Variants in C12orf54 observed in about 807,000 individuals in gnomAD.
C12orf54 encodes chromosome 12 open reading frame 54, also known as uncharacterized protein C12orf54.
Under a neutral mutation model 26.4 loss-of-function variants are expected in C12orf54, and 24 were observed. The observed-to-expected ratio is 0.91, with a 90% CI of 0.66 to 1.28. The LOEUF (loss-of-function observed/expected upper bound fraction) is 1.28. Among genes scored for constraint, C12orf54 ranks in the 50% most tolerant of loss-of-function variants. The pLI is 0.00. For synonymous variants in C12orf54, 54 were observed against 47.0 expected (o/e 1.15, Z -0.61); for missense variants, 154 against 150.9 (o/e 1.02, Z -0.11).
At chr12:48,429,497 A>C in the C12orf54 span, among the ~76,000 whole-genome samples, 1 of 152,108 alleles carries the variant, frequency 6.6e-6, no homozygotes, top group Non-Finnish European at 1.5e-5. Flanking sequence ...AATGCACACA[A>C]ATCAGTAGCT....
At chr12:48,449,542 A>G in the C12orf54 span, among the ~76,000 whole-genome samples, 1 of 152,146 alleles carries the variant, frequency 6.6e-6, no homozygotes, top group Non-Finnish European at 1.5e-5. Context: ...ACAAATCAGA[A>G]TTTAGTCCTC....
intron 2 of C12orf54, among the ~76,000 whole-genome samples, chr12:48,485,928 T>C (rs1156839000): frequency 1.3e-5 from 2 of 152,180 alleles, no homozygotes; most frequent in African/African-American, 2.4e-5. Flanking sequence ...TCACCTTCAC[T>C]TCCATTGTTC....
the C12orf54 span, among the ~76,000 whole-genome samples, chr12:48,439,999 T>G: frequency 6.6e-6 from 1 of 152,084 alleles, no homozygotes; most frequent in Non-Finnish European, 1.5e-5. Flanking sequence ...CTGATGTGCG[T>G]GGATGGCCTG....
chr12:48,473,892 C>A, the C12orf54 span, among the ~76,000 whole-genome samples: 297 of 152,314 alleles, frequency 1.9e-3, 3 homozygotes, highest in African/African-American at 6.8e-3. Flanking sequence ...ATCCAACACC[C>A]TGGTTTGTAA....
At chr12:48,462,691 A>G in the C12orf54 span, among the ~76,000 whole-genome samples, 1 of 151,774 alleles carries the variant, frequency 6.6e-6, no homozygotes, top group Non-Finnish European at 1.5e-5. Flanking sequence ...ATTCCCAATG[A>G]GCAAATTTTG....
chr12:48,459,148 T>C, the C12orf54 span, among the ~76,000 whole-genome samples: 1 of 152,178 alleles, frequency 6.6e-6, no homozygotes, highest in Admixed American at 6.6e-5. Context: ...TTCCTAGCTC[T>C]CCCTCATTCT....
At chr12:48,449,199 T>C in the C12orf54 span, among the ~76,000 whole-genome samples, 30 of 152,168 alleles carry the variant, frequency 2.0e-4, no homozygotes, top group Non-Finnish European at 3.7e-4. Flanking sequence ...CTTTAAAATA[T>C]GCTAGACTCT....
the C12orf54 span, among the ~76,000 whole-genome samples, chr12:48,439,575 G>T: frequency 3.9e-5 from 6 of 152,114 alleles, no homozygotes; most frequent in Non-Finnish European, 8.8e-5. Flanking sequence ...GCCATAAAAA[G>T]GATGAGTTCA....
chr12:48,455,850 G>A, the C12orf54 span, among the ~76,000 whole-genome samples: 48 of 152,168 alleles, frequency 3.2e-4, no homozygotes, highest in South Asian at 4.2e-4. Context: ...AAGTTTCTTC[G>A]CCTTCTATTA....
At chr12:48,417,281 TG>T in the C12orf54 span, 1 of 152,358 alleles carries the variant, frequency 6.6e-6, no homozygotes, top group Non-Finnish European at 1.5e-5. Context: ...TGAATATGGC[TG>T]TTAGTAGACA....
chr12:48,453,601 A>C, the C12orf54 span, among the ~76,000 whole-genome samples: 1 of 138,492 alleles, frequency 7.2e-6, no homozygotes, highest in Non-Finnish European at 1.6e-5. Context: ...GTGTATATTC[A>C]TGTTCTGATA....
chr12:48,418,144 C>T, the C12orf54 span, among the ~76,000 whole-genome samples: 4 of 152,224 alleles, frequency 2.6e-5, no homozygotes, highest in Admixed American at 2.6e-4. Flanking sequence ...CCATAATGAT[C>T]CAGAGAATAG....
At chr12:48,436,876 G>T in the C12orf54 span, among the ~76,000 whole-genome samples, 1 of 152,148 alleles carries the variant, frequency 6.6e-6, no homozygotes, top group Non-Finnish European at 1.5e-5. Context: ...ACATTCAAAA[G>T]CTAGCAGAAG....
intron 6 of C12orf54, among the ~76,000 whole-genome samples, chr12:48,491,411 C>G (rs930307203): frequency 6.6e-6 from 1 of 152,224 alleles, no homozygotes; most frequent in Non-Finnish European, 1.5e-5. Flanking sequence ...AACTTAATAT[C>G]ATTGCTTTGG....
At chr12:48,486,246 C>T (rs992001240) in intron 3 of C12orf54, 38 bp downstream of exon 3, 3 of 1,582,718 alleles carry the variant, frequency 1.9e-6, no homozygotes, top group African/African-American at 1.3e-5. Flanking sequence ...TCCTCTGGGG[C>T]TTCTAATTCC....
At chr12:48,437,847 C>G in the C12orf54 span, among the ~76,000 whole-genome samples, 1 of 152,048 alleles carries the variant, frequency 6.6e-6, no homozygotes, top group Non-Finnish European at 1.5e-5. Context: ...TGGCACAAGA[C>G]AGGGATGCCC....
At chr12:48,453,786 CATA>C in the C12orf54 span, among the ~76,000 whole-genome samples, 2 of 151,324 alleles carry the variant, frequency 1.3e-5, no homozygotes, top group Admixed American at 6.6e-5. Flanking sequence ...AACATATAAG[CATA>C]ATATCATATA....
chr12:48,427,758 G>T, the C12orf54 span, among the ~76,000 whole-genome samples: 1 of 151,994 alleles, frequency 6.6e-6, no homozygotes, highest in Non-Finnish European at 1.5e-5. Flanking sequence ...CACTAGACAG[G>T]TCATCAAGAC....
chr12:48,443,610 C>T, the C12orf54 span, among the ~76,000 whole-genome samples: 3 of 152,160 alleles, frequency 2.0e-5, no homozygotes, highest in Non-Finnish European at 2.9e-5. Context: ...AATATAGGAA[C>T]ATACTCCAGT....
Sources: allele counts gnomAD v4.1 joint callset (sites outside exome capture counted in the v4.1 genomes callset), GRCh38; gene constraint gnomAD v4.1.1; transcripts MANE v1.5; gene names NCBI Gene and HGNC (gene_info 2026-07-23, HGNC 2026-07-21).